The following TOP1MT variants were observed in gnomAD, a reference collection of about 807,000 sequenced individuals.
TOP1MT encodes DNA topoisomerase I, mitochondrial.
TOP1MT carries 80 observed loss-of-function variants against 73.9 expected under a neutral mutation model. The ratio of observed to expected loss-of-function variants is 1.08; its 90% confidence interval spans 0.90 to 1.30. The LOEUF (loss-of-function observed/expected upper bound fraction) is 1.30, where lower values mean the gene tolerates loss of function less well. Ranked by LOEUF, TOP1MT falls within the 50% of genes most tolerant of loss-of-function variation. TOP1MT has a pLI of 0.00. For missense variants in TOP1MT, 815 were observed against 808.0 expected (o/e 1.01, Z -0.10); for synonymous variants, 338 against 326.4 (o/e 1.04, Z -0.38).
intron 1 of TOP1MT, among the ~76,000 whole-genome samples, chr8:143,333,357 G>A (rs1463491950): frequency 6.6e-6 from 1 of 152,222 alleles, no homozygotes; most frequent in Non-Finnish European, 1.5e-5. Flanking sequence ...GCTGAAGCAG[G>A]AGAATCACTT....
In TOP1MT at chr8:143,325,334, C is replaced by T. The variant is rs564823146; in HGVS notation, c.671+12G>A. 7.6e-6 allele frequency: 12 copies of T among 1,578,378 alleles called. No homozygotes were observed. The African/African-American group carries it at 1.5e-4, about 19-fold the overall frequency. On this transcript the variant is annotated intron_variant, in intron 5 of 13. Coordinates refer to ENST00000329245, the MANE Select transcript of TOP1MT (RefSeq NM_052963.3). The stretch of plus-strand genomic sequence containing the variant: ...GGTCCAGTGCCCGCCTGCTGCCCGC[C>T]CGGCCACGCACCTGCTGCAGTTGAT...
chr8:143,357,362 T>C (rs1348916933), upstream of TOP1MT, among the ~76,000 whole-genome samples: 1 of 148,738 alleles, frequency 6.7e-6, no homozygotes, highest in East Asian at 2.0e-4. Context: ...CAGTTAGCTA[T>C]GATCACCACT....
At chr8:143,324,385 T>C in intron 6 of TOP1MT, 100 bp downstream of exon 6, 1 of 1,560,766 alleles carries the variant, frequency 6.4e-7, no homozygotes, top group Non-Finnish European at 8.7e-7. Flanking sequence ...TCCCAGCCCA[T>C]CTCAGAAGCC....
intron 3 of TOP1MT, chr8:143,328,301 C>T (rs974956895): frequency 1.1e-5 from 5 of 454,706 alleles, no homozygotes; most frequent in South Asian, 4.7e-5. Flanking sequence ...ACAGCATGTG[C>T]GTCTGGCAAA....
chr8:143,316,244 C>G, intron 10 of TOP1MT, 118 bp from the exon 11 acceptor site: 1 of 1,503,270 alleles, frequency 6.7e-7, no homozygotes, highest in Admixed American at 1.7e-5. Context: ...CAGGCACCCA[C>G]TGGGATGGGG....
chr8:143,313,174 T>C (rs1302010810), intron 12 of TOP1MT, among the ~76,000 whole-genome samples: 1 of 152,192 alleles, frequency 6.6e-6, no homozygotes, highest in Non-Finnish European at 1.5e-5. Flanking sequence ...GAAATCTATC[T>C]TCATGGCCTT....
At chr8:143,309,809 G>C (rs1457215937) in intron 13 of TOP1MT, 8 of 1,533,586 alleles carry the variant, frequency 5.2e-6, no homozygotes, top group Non-Finnish European at 6.1e-6. Flanking sequence ...TGGGCAGGCT[G>C]AGCTCCACAG....
At chr8:143,318,649 C>T (rs144653128) in intron 8 of TOP1MT, among the ~76,000 whole-genome samples, 1 of 152,314 alleles carries the variant, frequency 6.6e-6, no homozygotes, top group Non-Finnish European at 1.5e-5. Flanking sequence ...CGCTGGGCAT[C>T]GGCTCCAGGG....
At chr8:143,342,774 CTCTATTATTAT>C (rs1352376587) in intron 2 of TOP1MT, among the ~76,000 whole-genome samples, 1 of 76,410 alleles carries the variant, frequency 1.3e-5, no homozygotes, top group Non-Finnish European at 3.1e-5. Flanking sequence ...CAGAGTCTTG[CTCTATTATTAT>C]TATTATTATT....
intron 12 of TOP1MT, 112 bp downstream of exon 12, chr8:143,315,615 C>T (rs1015436843): frequency 1.1e-5 from 8 of 702,698 alleles, no homozygotes; most frequent in Admixed American, 3.0e-5. Context: ...TACAATCTCT[C>T]GTCTCCGCAC....
intron 9 of TOP1MT, 28 bp downstream of exon 9, chr8:143,317,990 A>G: frequency 6.2e-7 from 1 of 1,613,454 alleles, no homozygotes; most frequent in Non-Finnish European, 8.5e-7. Context: ...GCCGCCGCCC[A>G]CTGCTGAGGA....
chr8:143,317,270 C>G (rs1027592923), intron 10 of TOP1MT, among the ~76,000 whole-genome samples: 23 of 152,160 alleles, frequency 1.5e-4, no homozygotes, highest in Admixed American at 6.5e-5. Context: ...ACAGCATCCC[C>G]AGGTTGATGG....
At chr8:143,342,113 TTA>T (rs1325213773) in intron 2 of TOP1MT, among the ~76,000 whole-genome samples, 1 of 137,684 alleles carries the variant, frequency 7.3e-6, no homozygotes, top group Non-Finnish European at 1.5e-5. Context: ...GTTATTATTA[TTA>T]GAGACACAGT....
At chr8:143,343,050 C>T (rs966202930) in intron 2 of TOP1MT, 17 of 396,046 alleles carry the variant, frequency 4.3e-5, no homozygotes, top group Middle Eastern at 4.6e-4. Flanking sequence ...CATGAGCCAC[C>T]ACGCCTGGCC....
At chr8:143,316,412 G>C (rs1816166023) in intron 10 of TOP1MT, among the ~76,000 whole-genome samples, 1 of 152,124 alleles carries the variant, frequency 6.6e-6, no homozygotes, top group Non-Finnish European at 1.5e-5. Context: ...CCAGCCGCCT[G>C]GACGGGCGAG....
upstream of TOP1MT, among the ~76,000 whole-genome samples, chr8:143,347,118 G>A (rs1817236765): frequency 6.6e-6 from 1 of 151,888 alleles, no homozygotes; most frequent in African/African-American, 2.4e-5. Flanking sequence ...CCAAGCAGCT[G>A]GGATTACAGG....
At chr8:143,347,483 G>T (rs1280753818), upstream of TOP1MT, among the ~76,000 whole-genome samples, 1 of 152,154 alleles carries the variant, frequency 6.6e-6, no homozygotes, top group Non-Finnish European at 1.5e-5. Flanking sequence ...TAGAGACGGG[G>T]TTTCACTATA....
intron 2 of TOP1MT, among the ~76,000 whole-genome samples, chr8:143,330,997 G>A (rs1372161696): frequency 6.6e-6 from 1 of 152,204 alleles, no homozygotes; most frequent in African/African-American, 2.4e-5. Context: ...GGCACAGCCA[G>A]TGCAGGCTCA....
At chr8:143,347,568 T>C (rs1195634912), upstream of TOP1MT, among the ~76,000 whole-genome samples, 1 of 152,230 alleles carries the variant, frequency 6.6e-6, no homozygotes, top group African/African-American at 2.4e-5. Context: ...GCTAGAATTA[T>C]AGGCGTGCCT....
Sources: gnomAD v4.1 joint callset for allele counts (sites outside exome capture counted in the v4.1 genomes callset) on GRCh38, gnomAD v4.1.1 for gene constraint, MANE v1.5 for transcripts, NCBI Gene and HGNC (gene_info 2026-07-23, HGNC 2026-07-21) for gene names.